KCNMA1: variants seen among roughly 807,000 people sequenced by gnomAD.
KCNMA1 encodes the protein potassium calcium-activated channel subfamily M alpha 1, also known as Calcium-activated potassium channel subunit alpha-1.
In KCNMA1, 29 loss-of-function variants were observed where a neutral mutation model predicts 140.0. The observed-to-expected ratio is 0.21, with a 90% CI of 0.15 to 0.28. The LOEUF (loss-of-function observed/expected upper bound fraction) is 0.28. Ranked by LOEUF, KCNMA1 falls within the 10% of genes least tolerant of loss-of-function variation. KCNMA1 has a pLI of 1.00. For synonymous variants in KCNMA1, 612 were observed against 611.9 expected (o/e 1.00, Z 0.00); for missense variants, 880 against 1,602.2 (o/e 0.55, Z 7.70).
At chr10:77,256,668 C>T (rs1480530533) in intron 2 of KCNMA1, among the ~76,000 whole-genome samples, 1 of 152,154 alleles carries the variant, frequency 6.6e-6, no homozygotes, top group African/African-American at 2.4e-5. Flanking sequence ...ACATTCTTCT[C>T]AGCTCACAGC....
At chr10:77,296,306 T>C (rs545509697) in intron 2 of KCNMA1, among the ~76,000 whole-genome samples, 1 of 152,270 alleles carries the variant, frequency 6.6e-6, no homozygotes, top group East Asian at 1.9e-4. Context: ...AGGCAGTCTC[T>C]AGAGGCTAGA....
intron 25 of KCNMA1, among the ~76,000 whole-genome samples, chr10:76,908,976 G>A (rs1245490312): frequency 6.6e-6 from 1 of 152,150 alleles, no homozygotes; most frequent in African/African-American, 2.4e-5. Context: ...TTTTTCGGTT[G>A]CAAAAGTGAA....
intron 2 of KCNMA1, among the ~76,000 whole-genome samples, chr10:77,353,467 A>C (rs2093129498): frequency 1.3e-5 from 2 of 152,240 alleles, no homozygotes; most frequent in Middle Eastern, 3.4e-3. Flanking sequence ...AGTGTCTGCT[A>C]TTGCCAGACA....
chr10:76,889,352 G>A, intron 27 of KCNMA1, 99 bp downstream of exon 27: 2 of 807,054 alleles, frequency 2.5e-6, no homozygotes, highest in South Asian at 2.9e-5. Context: ...TGCATGTTGA[G>A]GAGATGTATA....
intron 14 of KCNMA1, among the ~76,000 whole-genome samples, chr10:77,053,149 CAA>C (rs1422424319): frequency 6.6e-6 from 1 of 151,520 alleles, no homozygotes; most frequent in African/African-American, 2.4e-5. Context: ...CCTGTTTGGG[CAA>C]AGAGACCCCT....
chr10:77,152,622 A>T (rs1903895), intron 5 of KCNMA1, among the ~76,000 whole-genome samples: 131,620 of 152,086 alleles, frequency 0.87, 57,093 homozygotes, highest in African/African-American at 0.93. Flanking sequence ...CATTGATCCA[A>T]CACCTCCTGT....
chr10:77,624,587 A>G lies in KCNMA1; in HGVS notation c.378+12678T>C, dbSNP rs140870544. Among the ~76,000 whole-genome samples the G allele has an allele frequency of 2.0e-5, 3 of 152,352 alleles. No homozygotes were observed. The East Asian group carries it at 5.8e-4, about 29-fold the overall frequency. On this transcript the variant is annotated intron_variant, in intron 1 of 27. Transcript: ENST00000286628. The stretch of plus-strand genomic sequence containing the variant: ...CTGGATTCACTGCCCTCAATAACTT[A>G]ATCTTTGGTTCTTTATCAGGTAAAA...
chr10:77,602,531 A>C (rs2082993746), intron 1 of KCNMA1, among the ~76,000 whole-genome samples: 1 of 152,230 alleles, frequency 6.6e-6, no homozygotes, highest in Non-Finnish European at 1.5e-5. Flanking sequence ...ACTGCAAATG[A>C]GTAAATTTTA....
chr10:77,291,337 A>T (rs183836165), intron 2 of KCNMA1, among the ~76,000 whole-genome samples: 112 of 152,296 alleles, frequency 7.4e-4, no homozygotes, highest in Admixed American at 1.8e-3. Flanking sequence ...AATGGGAAAA[A>T]CTGTTGCAGC....
At chr10:77,559,905 T>C (rs895805562) in intron 1 of KCNMA1, among the ~76,000 whole-genome samples, 10 of 152,038 alleles carry the variant, frequency 6.6e-5, no homozygotes, top group Admixed American at 3.3e-4. Context: ...TGGCCAGGCA[T>C]GGTGGCTCAC....
intron 2 of KCNMA1, among the ~76,000 whole-genome samples, chr10:77,310,630 C>T (rs538268515): frequency 2.0e-4 from 31 of 152,292 alleles, no homozygotes; most frequent in African/African-American, 7.0e-4. Flanking sequence ...AGCCTTGGCC[C>T]GCAGACAGAC....
At chr10:76,912,265 C>A (rs1156976554) in intron 24 of KCNMA1, 1 of 152,196 alleles carries the variant, frequency 6.6e-6, no homozygotes, top group Non-Finnish European at 1.5e-5. Context: ...TAACACAGTC[C>A]TTTCTTGTGA....
chr10:77,426,240 C>T (rs1297489147), intron 1 of KCNMA1, among the ~76,000 whole-genome samples: 2 of 152,136 alleles, frequency 1.3e-5, no homozygotes, highest in African/African-American at 2.4e-5. Flanking sequence ...ATCTTCAAGG[C>T]CTGCTTCAAG....
At chr10:77,080,871 C>T (rs535294245) in intron 12 of KCNMA1, among the ~76,000 whole-genome samples, 1 of 152,330 alleles carries the variant, frequency 6.6e-6, no homozygotes, top group African/African-American at 2.4e-5. Flanking sequence ...AATTGTGACA[C>T]ATGCTTGGCC....
chr10:77,332,234 G>A (rs921499609), intron 2 of KCNMA1, among the ~76,000 whole-genome samples: 5 of 152,250 alleles, frequency 3.3e-5, no homozygotes, highest in South Asian at 2.1e-4. Flanking sequence ...TTGGCCAGGG[G>A]ATGAGAGGGA....
chr10:77,591,171 C>T (rs910863959), intron 1 of KCNMA1, among the ~76,000 whole-genome samples: 3 of 152,204 alleles, frequency 2.0e-5, no homozygotes, highest in Non-Finnish European at 4.4e-5. Flanking sequence ...CAGCCTCCTC[C>T]TCTGGGGGCT....
intron 1 of KCNMA1, among the ~76,000 whole-genome samples, chr10:77,581,584 C>T (rs893385821): frequency 5.3e-5 from 8 of 152,222 alleles, no homozygotes; most frequent in African/African-American, 7.2e-5. Flanking sequence ...GGATTACAGG[C>T]GTGAGCCACC....
At chr10:77,276,983 C>T (rs1441161382) in intron 2 of KCNMA1, among the ~76,000 whole-genome samples, 1 of 152,114 alleles carries the variant, frequency 6.6e-6, no homozygotes, top group Non-Finnish European at 1.5e-5. Flanking sequence ...CTCCCAATGT[C>T]CTGTAGCCAG....
chr10:77,118,749 C>T (rs954462658), intron 6 of KCNMA1, among the ~76,000 whole-genome samples: 2 of 152,220 alleles, frequency 1.3e-5, no homozygotes, highest in Non-Finnish European at 2.9e-5. Context: ...CCCCTCTCAA[C>T]CCCTGGGCAT....
Sources: gnomAD v4.1 joint callset for allele counts (sites outside exome capture counted in the v4.1 genomes callset) on GRCh38, gnomAD v4.1.1 for gene constraint, MANE v1.5 for transcripts, NCBI Gene and HGNC (gene_info 2026-07-23, HGNC 2026-07-21) for gene names.